POLN: variants seen among roughly 807,000 people sequenced by gnomAD.
The protein encoded by POLN is DNA polymerase N.
A neutral mutation model predicts 113.5 loss-of-function variants in POLN; 108 were observed. The observed-to-expected ratio is 0.95, with a 90% confidence interval of 0.81 to 1.12. The LOEUF is 1.12. POLN is among the 50% of genes most tolerant of loss of function. The probability of loss-of-function intolerance (pLI) is 0.00; values close to 1 mark genes in which losing one functional copy is unlikely to be tolerated. For missense variants in POLN, 1,097 were observed against 1,077.1 expected (o/e 1.02, Z -0.26); for synonymous variants, 386 against 391.5 (o/e 0.99, Z 0.17).
At chr4:2,120,911 G>A (rs1731423094) in intron 19 of POLN, among the ~76,000 whole-genome samples, 1 of 152,130 alleles carries the variant, frequency 6.6e-6, no homozygotes, top group East Asian at 1.9e-4. Flanking sequence ...TTGCAACCTT[G>A]GTGAACTTAC....
chr4:2,209,020 CCT>C lies in POLN; in HGVS notation c.214-535_214-534del, dbSNP rs201248758. ...AAAGCTCAAAAGCCTCCAACTGGCC[CCT>C]GTTCTGGGAATCAGTGCATGTAATG... On this transcript the variant is annotated intron_variant, in intron 4 of 25. Coordinates refer to ENST00000511885, the MANE Select transcript of POLN (RefSeq NM_181808.4). Among the ~76,000 whole-genome samples the C allele has an allele frequency of 9.9e-3, 1,498 of 151,864 alleles. 9 individuals carry two copies. The highest frequency in any genetic ancestry group is 0.016 in the Non-Finnish European group (1,117 of 67,938).
chr4:2,197,540 G>A (rs769699572), intron 6 of POLN, among the ~76,000 whole-genome samples: 12 of 152,170 alleles, frequency 7.9e-5, no homozygotes, highest in Non-Finnish European at 1.6e-4. Context: ...TGCCTAAAAT[G>A]ACCACTAGAC....
chr4:2,224,674 G>A (rs773372666), intron 3 of POLN, among the ~76,000 whole-genome samples: 4 of 152,130 alleles, frequency 2.6e-5, no homozygotes, highest in Non-Finnish European at 5.9e-5. Context: ...AATGCAGCTG[G>A]GTGCGGTGGC....
intron 20 of POLN, chr4:2,089,501 A>T: frequency 7.5e-7 from 1 of 1,339,826 alleles, no homozygotes; most frequent in Admixed American, 2.3e-5. Flanking sequence ...GGACTTTCAC[A>T]CTGGGAAAAC....
At position 2,080,386 on chromosome 4, in the gene POLN, C is replaced by A. The variant is rs537840476; in HGVS notation, c.2387+572G>T. ...GGCGGAGCCCCCCCCCACCAAGGCA[C>A]ATCTGCATGTTGGCTCTGGGCTCGG... On this transcript the variant is annotated intron_variant, in intron 23 of 25. Transcript: ENST00000511885. The A allele has an allele frequency of 9.7e-6, 10 of 1,034,916 alleles. No homozygotes were observed. In the East Asian group the frequency reaches 8.8e-4, roughly 91 times the overall value. The allele number at this position is 1,034,916 out of a possible 1,614,324, so 64.1% of individuals were successfully genotyped here. A position where few individuals can be genotyped will look rare whatever the true frequency, so the allele number is the denominator to read the frequency against.
At chr4:2,113,638 A>G (rs1577700390) in intron 19 of POLN, among the ~76,000 whole-genome samples, 1 of 151,016 alleles carries the variant, frequency 6.6e-6, no homozygotes, top group African/African-American at 2.4e-5. Flanking sequence ...CAGGTAGATC[A>G]CCTGAGGTCA....
chr4:2,206,952 T>C (rs1577771297), intron 5 of POLN, among the ~76,000 whole-genome samples: 2 of 152,336 alleles, frequency 1.3e-5, no homozygotes, highest in African/African-American at 2.4e-5. Context: ...TGCACGTGCA[T>C]GGTTATAGCA....
chr4:2,125,758 A>G (rs1189467063), intron 19 of POLN, among the ~76,000 whole-genome samples: 3 of 152,154 alleles, frequency 2.0e-5, no homozygotes, highest in Non-Finnish European at 4.4e-5. Flanking sequence ...AGTGCCCAGG[A>G]GGAGCTGGAG....
At chr4:2,104,310 G>A (rs959423835) in intron 19 of POLN, among the ~76,000 whole-genome samples, 1 of 152,174 alleles carries the variant, frequency 6.6e-6, no homozygotes, top group Non-Finnish European at 1.5e-5. Context: ...ACAGTTAGGT[G>A]TTTCCACCTT....
intron 5 of POLN, among the ~76,000 whole-genome samples, chr4:2,200,101 C>T (rs1733675810): frequency 1.3e-5 from 2 of 152,086 alleles, no homozygotes; most frequent in African/African-American, 2.4e-5. Flanking sequence ...TGGCAAGACT[C>T]GCAAAATTAA....
rs1560080902 is a variant in POLN at position 2,170,683 on chromosome 4, GCTT to G, written c.1547_1549del (p.Glu516del). 1 of 1,611,724 alleles carries G rather than the reference GCTT, an allele frequency of 6.2e-7. No homozygotes were observed. The highest frequency in any genetic ancestry group is 1.7e-5 in the Admixed American group (1 of 59,944). Reference sequence around the variant, plus strand: ...AGGATAACTCTGAAACCTTACCACTGCTTCTGATGTAGACGGGTATTTCTGCAA... The same window carrying G: ...AGGATAACTCTGAAACCTTACCACTGCTGATGTAGACGGGTATTTCTGCAA... On this transcript the variant is annotated inframe_deletion, in exon 13 of 26. Coordinates refer to ENST00000511885, the MANE Select transcript of POLN (RefSeq NM_181808.4).
intron 2 of POLN, among the ~76,000 whole-genome samples, chr4:2,239,864 T>C (rs1289876467): frequency 6.6e-6 from 1 of 152,220 alleles, no homozygotes; most frequent in Non-Finnish European, 1.5e-5. Flanking sequence ...TCCATTAACG[T>C]ATGGAACTAT....
chr4:2,107,456 A>G (rs1195462744), intron 19 of POLN, among the ~76,000 whole-genome samples: 3 of 152,130 alleles, frequency 2.0e-5, no homozygotes, highest in Non-Finnish European at 4.4e-5. Context: ...CGGCGGGTAA[A>G]TATTGTCAGC....
At chr4:2,146,456 G>C (rs1732142374) in intron 16 of POLN, among the ~76,000 whole-genome samples, 1 of 152,212 alleles carries the variant, frequency 6.6e-6, no homozygotes, top group South Asian at 2.1e-4. Flanking sequence ...AGTGAGCCAA[G>C]ATTGCGCCAT....
At chr4:2,178,609 A>G (rs1733052020) in intron 8 of POLN, among the ~76,000 whole-genome samples, 1 of 150,356 alleles carries the variant, frequency 6.7e-6, no homozygotes, top group African/African-American at 2.4e-5. Context: ...GAGAGGCCCA[A>G]GACAGTTTTT....
intron 5 of POLN, among the ~76,000 whole-genome samples, chr4:2,203,777 C>T (rs1733775160): frequency 6.6e-6 from 1 of 151,886 alleles, no homozygotes; most frequent in African/African-American, 2.4e-5. Context: ...CAGAGCAGAA[C>T]TCAATGATAT....
intron 23 of POLN, chr4:2,080,631 G>A (rs1192672909): frequency 7.9e-7 from 1 of 1,259,498 alleles, no homozygotes; most frequent in Non-Finnish European, 1.0e-6. Context: ...CCTGCTCAAG[G>A]GGCTGAGGGG....
chr4:2,218,201 G>A (rs890371982), intron 3 of POLN, among the ~76,000 whole-genome samples: 2 of 151,418 alleles, frequency 1.3e-5, no homozygotes, highest in African/African-American at 4.9e-5. Flanking sequence ...GGAGGCCAAG[G>A]CAGGCGGATC....
rs1485900399 is a variant in POLN, at chr4:2,159,121, C to CT, written c.1611+33dup. ...GGGCCATATGGTTCCCCCTCATCAC[C>CT]TTTTACCTTTTACGTACAAAAAAAT... is the stretch of plus-strand genomic sequence containing the variant. On this transcript the variant is annotated intron_variant, in intron 14 of 25. Coordinates refer to ENST00000511885, the MANE Select transcript of POLN (RefSeq NM_181808.4). The CT allele has an allele frequency of 2.0e-6, 3 of 1,511,350 alleles. No homozygotes were observed. In the South Asian group the frequency reaches 3.4e-5, roughly 17 times the overall value. 93.6% of individuals were successfully genotyped at this position (1,511,350 alleles called of 1,614,324 possible). A position where few individuals can be genotyped will look rare whatever the true frequency, so the allele number is the denominator to read the frequency against.
Sources: allele counts gnomAD v4.1 joint callset (sites outside exome capture counted in the v4.1 genomes callset), GRCh38; gene constraint gnomAD v4.1.1; transcripts MANE v1.5; gene names NCBI Gene and HGNC (gene_info 2026-07-23, HGNC 2026-07-21).